FSTL5: variants seen among roughly 807,000 people sequenced by gnomAD.
FSTL5 encodes follistatin-related protein 5.
A neutral mutation model predicts 89.1 loss-of-function variants in FSTL5; 62 were observed. The ratio of observed to expected loss-of-function variants is 0.70; its 90% CI spans 0.57 to 0.86. The LOEUF (loss-of-function observed/expected upper bound fraction) is 0.86, where lower values mean the gene tolerates loss of function less well. FSTL5 is among the 40% of genes least tolerant of loss of function. The pLI, the probability that FSTL5 is intolerant of heterozygous loss-of-function variation, is 0.00. For synonymous variants in FSTL5, 383 were observed against 346.2 expected, an observed-to-expected ratio of 1.11 and a Z score of -1.18; for missense variants, 1,057 against 1,001.6, an observed-to-expected ratio of 1.06 and a Z score of -0.75.
intron 4 of FSTL5, among the ~76,000 whole-genome samples, chr4:161,801,786 A>G (rs545222798): frequency 9.0e-4 from 137 of 151,696 alleles, no homozygotes; most frequent in Middle Eastern, 3.4e-3. Flanking sequence ...CATTCTATCA[A>G]GTTTCTGGAA....
At chr4:161,856,692 G>A (rs921658884) in intron 4 of FSTL5, among the ~76,000 whole-genome samples, 6 of 150,820 alleles carry the variant, frequency 4.0e-5, no homozygotes, top group Admixed American at 2.7e-4. Flanking sequence ...ATGTATATAT[G>A]TATACGTGTA....
chr4:161,865,554 G>A (rs1732057296), intron 4 of FSTL5, among the ~76,000 whole-genome samples: 1 of 152,102 alleles, frequency 6.6e-6, no homozygotes, highest in Non-Finnish European at 1.5e-5. Context: ...ACACCGGGAT[G>A]TCAGAAAAAT....
At chr4:162,101,206 GA>G (rs1730985057) in intron 2 of FSTL5, among the ~76,000 whole-genome samples, 1 of 152,176 alleles carries the variant, frequency 6.6e-6, no homozygotes, top group African/African-American at 2.4e-5. Flanking sequence ...GGCTCTCCCT[GA>G]AGAACTATCC....
intron 6 of FSTL5, among the ~76,000 whole-genome samples, chr4:161,744,753 G>A (rs879923334): frequency 8.6e-5 from 13 of 151,168 alleles, no homozygotes; most frequent in Middle Eastern, 3.4e-3. Flanking sequence ...TTTTTTTTTC[G>A]GTTCAAACTA....
rs1019037393 is a variant in FSTL5, at chr4:161,455,066, C to T, written c.1779G>A (p.Lys593=). The change falls in exon 15 of 16, where the codon AAG becomes AAA. Residue 593 remains lysine (K), a synonymous_variant. Coordinates refer to ENST00000306100, the MANE Select transcript of FSTL5 (RefSeq NM_020116.5). Reference sequence around the variant, plus strand: ...AAAAATCATCCACTCTGTCAAATTGCTTTCCCACTGGTTGGGTGTGGATCG... The same window carrying T: ...AAAAATCATCCACTCTGTCAAATTGTTTTCCCACTGGTTGGGTGTGGATCG... ...HHTIHTQPVG[K]QFDRVDDFFI... The T allele has an allele frequency of 1.9e-6, 3 of 1,613,438 alleles. No homozygotes were observed. Among genetic ancestry groups the T allele is most frequent in the Admixed American group, 1.7e-5 (1 of 59,940 alleles).
intron 6 of FSTL5, among the ~76,000 whole-genome samples, chr4:161,741,635 A>C (rs754706748): frequency 1.3e-5 from 2 of 151,992 alleles, no homozygotes; most frequent in Non-Finnish European, 2.9e-5. Flanking sequence ...CAAAATACAC[A>C]GGAAATTACA....
At chr4:161,539,700 CCAACAA>C (rs879676948) in intron 9 of FSTL5, among the ~76,000 whole-genome samples, 1 of 151,512 alleles carries the variant, frequency 6.6e-6, no homozygotes. Flanking sequence ...TAAATACAAA[CCAACAA>C]CAACAACAAC....
At chr4:161,832,948 T>C (rs1470913819) in intron 4 of FSTL5, among the ~76,000 whole-genome samples, 36 of 148,940 alleles carry the variant, frequency 2.4e-4, no homozygotes, top group Non-Finnish European at 4.0e-4. Context: ...GCTCTTGCTT[T>C]TCTAGTTCTT....
intron 4 of FSTL5, among the ~76,000 whole-genome samples, chr4:161,837,953 A>C (rs1241233685): frequency 2.0e-5 from 3 of 152,182 alleles, no homozygotes; most frequent in Non-Finnish European, 4.4e-5. Flanking sequence ...GAAATCACGT[A>C]ATGTTCACCA....
chr4:162,140,231 G>A (rs1732672830), intron 1 of FSTL5, among the ~76,000 whole-genome samples: 7 of 151,946 alleles, frequency 4.6e-5, no homozygotes, highest in Admixed American at 4.6e-4. Flanking sequence ...TGTCTAGTAA[G>A]GTTGAACATT....
chr4:161,462,327 T>C (rs1224348999), intron 13 of FSTL5, among the ~76,000 whole-genome samples: 1 of 152,178 alleles, frequency 6.6e-6, no homozygotes, highest in Non-Finnish European at 1.5e-5. Flanking sequence ...GCCTCATGTA[T>C]AAAAAACATT....
At chr4:161,979,956 A>C (rs1266289961) in intron 3 of FSTL5, among the ~76,000 whole-genome samples, 1 of 152,056 alleles carries the variant, frequency 6.6e-6, no homozygotes. Context: ...CTCCAATGCA[A>C]ATTCAACATT....
intron 4 of FSTL5, among the ~76,000 whole-genome samples, chr4:161,838,781 A>G (rs1731126277): frequency 6.6e-6 from 1 of 152,138 alleles, no homozygotes; most frequent in African/African-American, 2.4e-5. Flanking sequence ...ATATGTAACA[A>G]ACTTATATCT....
rs754705629 is a variant in FSTL5, at chr4:161,459,284, G to A, written c.1644C>T (p.His548=). The A allele has an allele frequency of 4.3e-6, 7 of 1,613,396 alleles. No homozygotes were observed. The highest frequency in any genetic ancestry group is 5.9e-6 in the Non-Finnish European group (7 of 1,179,492). The change falls in exon 14 of 16, where the codon CAC becomes CAT. Residue 548 remains histidine, a synonymous_variant. Coordinates refer to ENST00000306100, the MANE Select transcript of FSTL5 (RefSeq NM_020116.5). ...AGACCTGATCATGTGATTTGTCATA[G>A]TGTAATTTAACTGGGACAGGGTCTG... ...VSTDPVPVKL[H]YDKSHDQVWV...
At chr4:161,639,595 C>G (rs149113343) in intron 7 of FSTL5, among the ~76,000 whole-genome samples, 4 of 152,116 alleles carry the variant, frequency 2.6e-5, no homozygotes, top group Admixed American at 2.0e-4. Context: ...AATAATTGCA[C>G]TGGCAGCCTC....
Position 161,544,979 on chromosome 4 carries a change from C to T in FSTL5, c.1016-2286G>A, listed in dbSNP as rs575756386. 9.3e-4 allele frequency among the ~76,000 whole-genome samples: 141 copies of T among 151,818 alleles called. 1 individual carries two copies. Among genetic ancestry groups the T allele is most frequent in the Non-Finnish European group, 1.7e-3 (114 of 67,896 alleles). ...AATCATTGATATTAAAATGAGATGT[C>T]GTAAATACAACATTAGGCATAATTA... On this transcript the variant is annotated intron_variant, in intron 8 of 15. Coordinates refer to ENST00000306100, the MANE Select transcript of FSTL5 (RefSeq NM_020116.5).
At chr4:161,972,561 C>A (rs1388178750) in intron 3 of FSTL5, among the ~76,000 whole-genome samples, 1 of 152,088 alleles carries the variant, frequency 6.6e-6, no homozygotes, top group Non-Finnish European at 1.5e-5. Flanking sequence ...AGCAAGGAAC[C>A]AAGGCCCCTA....
At chr4:161,500,240 G>T in intron 11 of FSTL5, 106 bp from the exon 12 acceptor site, 3 of 659,432 alleles carry the variant, frequency 4.5e-6, no homozygotes, top group Non-Finnish European at 7.7e-6. Flanking sequence ...AATTTTCGAA[G>T]TTGTGTAATG....
At chr4:161,480,438 C>A (rs1729457548) in intron 13 of FSTL5, among the ~76,000 whole-genome samples, 1 of 152,176 alleles carries the variant, frequency 6.6e-6, no homozygotes, top group African/African-American at 2.4e-5. Flanking sequence ...AGGTAAAGAG[C>A]ATGGGCTGCA....
Sources: allele counts gnomAD v4.1 joint callset (sites outside exome capture counted in the v4.1 genomes callset), GRCh38; gene constraint gnomAD v4.1.1; transcripts MANE v1.5; gene names NCBI Gene and HGNC (gene_info 2026-07-23, HGNC 2026-07-21).